ROBO2: variants seen among roughly 807,000 people sequenced by gnomAD.
ROBO2 encodes the protein roundabout guidance receptor 2.
ROBO2 carries 53 observed loss-of-function variants against 160.8 expected under a neutral mutation model. The ratio of observed to expected loss-of-function variants is 0.33; its 90% CI spans 0.26 to 0.41. The LOEUF (loss-of-function observed/expected upper bound fraction) is 0.41. Among genes scored for constraint, ROBO2 ranks in the 10% least tolerant of loss-of-function variants. The probability of loss-of-function intolerance (pLI) is 1.00; values close to 1 mark genes in which losing one functional copy is unlikely to be tolerated. For synonymous variants in ROBO2, 664 were observed against 611.7 expected (o/e 1.09, Z -1.26); for missense variants, 1,577 against 1,722.4 (o/e 0.92, Z 1.49).
At chr3:77,045,479 G>A (rs1408818656) in intron 1 of ROBO2, among the ~76,000 whole-genome samples, 1 of 152,166 alleles carries the variant, frequency 6.6e-6, no homozygotes, top group African/African-American at 2.4e-5. Context: ...GATCTCCAGT[G>A]CTTGCATCAG....
intron 2 of ROBO2, among the ~76,000 whole-genome samples, chr3:76,476,760 A>G (rs1405137548): frequency 2.0e-5 from 3 of 152,148 alleles, no homozygotes; most frequent in African/African-American, 7.2e-5. Context: ...AAATGACCAG[A>G]TGTATCAAAC....
intron 2 of ROBO2, among the ~76,000 whole-genome samples, chr3:77,211,647 C>T (rs565501630): frequency 0.033 from 5,033 of 152,204 alleles, 278 homozygotes; most frequent in African/African-American, 0.11. Context: ...GAAGTCCTTG[C>T]CCATGCCTAT....
At chr3:77,574,791 C>G in intron 14 of ROBO2, 61 bp downstream of exon 15, 1 of 1,206,174 alleles carries the variant, frequency 8.3e-7, no homozygotes, top group Non-Finnish European at 1.2e-6. Context: ...GTTACAGTAC[C>G]TATTTGTTAT....
chr3:76,580,111 A>T (rs1419491255), intron 2 of ROBO2, among the ~76,000 whole-genome samples: 3 of 152,130 alleles, frequency 2.0e-5, no homozygotes, highest in African/African-American at 7.2e-5. Flanking sequence ...CTGATTTAGG[A>T]TATCAGTAGG....
intron 2 of ROBO2, among the ~76,000 whole-genome samples, chr3:76,218,667 T>C (rs1229847142): frequency 7.9e-5 from 12 of 152,008 alleles, no homozygotes; most frequent in African/African-American, 2.9e-4. Context: ...TAAAAGACGA[T>C]ACAAACAAAT....
chr3:77,614,942 A>G (rs1206275360), intron 21 of ROBO2, among the ~76,000 whole-genome samples: 1 of 152,048 alleles, frequency 6.6e-6, no homozygotes, highest in Admixed American at 6.6e-5. Flanking sequence ...GAACTCTTCA[A>G]ATTCCTTTCT....
chr3:76,743,742 T>G (rs1299323331), intron 2 of ROBO2, among the ~76,000 whole-genome samples: 1 of 151,926 alleles, frequency 6.6e-6, no homozygotes, highest in East Asian at 1.9e-4. Flanking sequence ...CTATGCAAAT[T>G]TAGCACTTAT....
intron 2 of ROBO2, among the ~76,000 whole-genome samples, chr3:77,330,772 T>G (rs759602330): frequency 6.6e-6 from 1 of 152,228 alleles, no homozygotes; most frequent in Non-Finnish European, 1.5e-5. Flanking sequence ...CCACATTATA[T>G]GCACTTTGCT....
intron 2 of ROBO2, among the ~76,000 whole-genome samples, chr3:76,750,025 GAA>G (rs1264619545): frequency 6.6e-6 from 1 of 152,110 alleles, no homozygotes; most frequent in African/African-American, 2.4e-5. Context: ...TATCCCTGAT[GAA>G]CATTGATGCA....
chr3:77,322,558 G>A (rs1346427546), intron 2 of ROBO2, among the ~76,000 whole-genome samples: 2 of 151,650 alleles, frequency 1.3e-5, no homozygotes, highest in East Asian at 1.9e-4. Flanking sequence ...GCAAATTGAT[G>A]ACTAAGACCT....
At chr3:77,001,250 G>C (rs1317768412) in intron 2 of ROBO2, among the ~76,000 whole-genome samples, 1 of 152,148 alleles carries the variant, frequency 6.6e-6, no homozygotes, top group African/African-American at 2.4e-5. Flanking sequence ...ATCCAAATTG[G>C]AATGTCAGCT....
intron 3 of ROBO2, among the ~76,000 whole-genome samples, chr3:77,478,543 A>G (rs1023427195): frequency 6.6e-6 from 1 of 152,214 alleles, no homozygotes; most frequent in Non-Finnish European, 1.5e-5. Context: ...GATCCACGCA[A>G]CATTTGTATG....
rs1214428037 is a variant in ROBO2, at chr3:76,974,723, C to A, written c.110-123291C>A. 2.0e-5 allele frequency among the ~76,000 whole-genome samples: 3 copies of A among 152,120 alleles called. 1 individual carries two copies. The highest frequency in any genetic ancestry group is 2.0e-4 in the Admixed American group (3 of 15,282). On this transcript the variant is annotated intron_variant, in intron 2 of 26. Coordinates refer to the ROBO2 transcript ENST00000487694. ...ACAAAATTTGTTGCTCGAAATGTGC[C>A]TCTTTACTTAGTGTTTGGAACCATC...
intron 1 of ROBO2, among the ~76,000 whole-genome samples, chr3:77,066,060 C>A (rs2066809702): frequency 6.6e-6 from 1 of 151,768 alleles, no homozygotes; most frequent in African/African-American, 2.4e-5. Flanking sequence ...TGGCTCAGAC[C>A]ATGTCTGTTC....
intron 2 of ROBO2, among the ~76,000 whole-genome samples, chr3:77,373,595 A>G (rs1437039372): frequency 6.6e-6 from 1 of 152,154 alleles, no homozygotes; most frequent in Non-Finnish European, 1.5e-5. Context: ...AGTGAGTACA[A>G]AGAGCATCAT....
rs79068967 is a variant in ROBO2, at chr3:76,672,928, A to G, written c.110-425086A>G. On this transcript the variant is annotated intron_variant, in intron 2 of 26. Transcript: ENST00000487694. ...ATATTTTCATTTAATTTTAATATTG[A>G]TTGTATTCTCCATGTGAGAATTTTA... 4.5e-3 allele frequency among the ~76,000 whole-genome samples: 684 copies of G among 151,976 alleles called. 4 individuals carry two copies. The highest frequency in any genetic ancestry group is 7.0e-3 in the Middle Eastern group (2 of 286).
chr3:77,528,036 T>C (rs1423274821), intron 6 of ROBO2, among the ~76,000 whole-genome samples: 2 of 151,660 alleles, frequency 1.3e-5, no homozygotes, highest in Non-Finnish European at 3.0e-5. Context: ...CATTTGGCTT[T>C]GTGAAATCTA....
chr3:76,354,765 G>A (rs929887403), intron 2 of ROBO2, among the ~76,000 whole-genome samples: 1 of 151,710 alleles, frequency 6.6e-6, no homozygotes. Flanking sequence ...TTTCATATAG[G>A]AAAAACTGCT....
chr3:76,419,564 T>G (rs2108909729), intron 2 of ROBO2, among the ~76,000 whole-genome samples: 1 of 152,300 alleles, frequency 6.6e-6, no homozygotes, highest in Middle Eastern at 3.4e-3. Flanking sequence ...CTGTATATCT[T>G]TCTTTTTTCC....
Sources: gnomAD v4.1 joint callset for allele counts (sites outside exome capture counted in the v4.1 genomes callset) on GRCh38, gnomAD v4.1.1 for gene constraint, MANE v1.5 for transcripts, NCBI Gene and HGNC (gene_info 2026-07-23, HGNC 2026-07-21) for gene names.